Variants in PLCG2 observed in about 807,000 individuals in gnomAD.
PLCG2 encodes the protein 1-phosphatidylinositol 4,5-bisphosphate phosphodiesterase gamma-2.
Under a neutral mutation model 175.6 loss-of-function variants are expected in PLCG2, and 69 were observed. The observed-to-expected ratio is 0.39, with a 90% CI of 0.32 to 0.48. The LOEUF (loss-of-function observed/expected upper bound fraction) is 0.48. Ranked by LOEUF, PLCG2 falls within the 20% of genes least tolerant of loss-of-function variation. The pLI, the probability that PLCG2 is intolerant of heterozygous loss-of-function variation, is 0.91. For synonymous variants in PLCG2, 827 were observed against 624.0 expected (o/e 1.33, Z -4.85); for missense variants, 1,798 against 1,650.9 (o/e 1.09, Z -1.54).
At chr16:81,850,742 G>C (rs971909256) in intron 2 of PLCG2, among the ~76,000 whole-genome samples, 2 of 152,200 alleles carry the variant, frequency 1.3e-5, no homozygotes, top group African/African-American at 4.8e-5. Context: ...TAACAGCATA[G>C]AGAGCTTCTT....
intron 19 of PLCG2, among the ~76,000 whole-genome samples, chr16:81,918,216 A>G (rs966340558): frequency 6.6e-6 from 1 of 152,174 alleles, no homozygotes; most frequent in African/African-American, 2.4e-5. Flanking sequence ...AATCCCATTT[A>G]TCCACTTTCA....
intron 31 of PLCG2, among the ~76,000 whole-genome samples, chr16:81,954,835 A>G (rs145469669): frequency 1.1e-3 from 175 of 152,286 alleles, no homozygotes; most frequent in African/African-American, 4.0e-3. Flanking sequence ...AATGATTTAT[A>G]TTCCTTTGGG....
intron 2 of PLCG2, among the ~76,000 whole-genome samples, chr16:81,807,886 T>A (rs2143280581): frequency 6.6e-6 from 1 of 152,182 alleles, no homozygotes; most frequent in South Asian, 2.1e-4. Flanking sequence ...CAGCCAGATC[T>A]CTCAAGAACT....
chr16:81,906,721 G>A (rs79818114), intron 15 of PLCG2, among the ~76,000 whole-genome samples: 2,894 of 152,290 alleles, frequency 0.019, 87 homozygotes, highest in African/African-American at 0.067. Flanking sequence ...ACTGTACCCA[G>A]CCAAAAATGG....
intron 2 of PLCG2, among the ~76,000 whole-genome samples, chr16:81,795,970 G>A (rs1174399776): frequency 2.0e-5 from 3 of 152,240 alleles, no homozygotes; most frequent in East Asian, 3.8e-4. Flanking sequence ...AAGTTGGGGG[G>A]CATCCTTCCA....
At chr16:81,816,682 A>G (rs1484986653) in intron 2 of PLCG2, among the ~76,000 whole-genome samples, 1 of 14,352 alleles carries the variant, frequency 7.0e-5, no homozygotes, top group African/African-American at 3.1e-4. Flanking sequence ...TTTTTTTTTT[A>G]GTAGAGGTGG....
intron 26 of PLCG2, chr16:81,935,939 A>G (rs1435901664): frequency 4.1e-6 from 4 of 984,996 alleles, no homozygotes; most frequent in African/African-American, 3.5e-5. Context: ...CAGTAATTCT[A>G]GCCTAAAAGG....
chr16:81,851,520 T>G (rs1269033250), intron 2 of PLCG2, among the ~76,000 whole-genome samples: 1 of 152,180 alleles, frequency 6.6e-6, no homozygotes, highest in Non-Finnish European at 1.5e-5. Context: ...GTTGTTGTTG[T>G]TGTTGTTGTT....
At chr16:81,915,809 C>T (rs1214324243) in intron 19 of PLCG2, among the ~76,000 whole-genome samples, 2 of 152,220 alleles carry the variant, frequency 1.3e-5, no homozygotes, top group African/African-American at 4.8e-5. Flanking sequence ...CCCTGAGGAG[C>T]TCTTATAAAA....
At chr16:81,797,562 C>T (rs1000265550) in intron 2 of PLCG2, among the ~76,000 whole-genome samples, 1 of 152,344 alleles carries the variant, frequency 6.6e-6, no homozygotes, top group South Asian at 2.1e-4. Flanking sequence ...GGGGACTTCC[C>T]AGCACCTGGC....
chr16:81,912,103 T>C (rs542815121), intron 18 of PLCG2, among the ~76,000 whole-genome samples: 1 of 150,054 alleles, frequency 6.7e-6, no homozygotes, highest in African/African-American at 2.5e-5. Flanking sequence ...GGCCCAATTT[T>C]TGTATTTTTA....
chr16:81,762,022 G>A (rs1449623292), intron 2 of PLCG2, among the ~76,000 whole-genome samples: 2 of 151,470 alleles, frequency 1.3e-5, no homozygotes, highest in Non-Finnish European at 2.9e-5. Flanking sequence ...TAGTAGAGAT[G>A]GGGTTTCCCT....
intron 12 of PLCG2, chr16:81,895,504 G>A (rs1908840565): frequency 3.5e-6 from 1 of 284,208 alleles, no homozygotes; most frequent in African/African-American, 2.2e-5. Flanking sequence ...AGATTGCAAT[G>A]GGCCGAGATT....
At chr16:81,814,699 G>GA (rs75878012) in intron 2 of PLCG2, among the ~76,000 whole-genome samples, 166 of 147,410 alleles carry the variant, frequency 1.1e-3, no homozygotes, top group Non-Finnish European at 2.0e-3. Flanking sequence ...TGTCTCAAAA[G>GA]AAAAAAAAAA....
intron 5 of PLCG2, among the ~76,000 whole-genome samples, chr16:81,868,513 T>A (rs1312254261): frequency 6.6e-6 from 1 of 152,226 alleles, no homozygotes; most frequent in Admixed American, 6.5e-5. Context: ...TTTTGGTTCC[T>A]CTGGGTGGCA....
chr16:81,930,030 C>T (rs1021675128), intron 24 of PLCG2, among the ~76,000 whole-genome samples: 1 of 152,156 alleles, frequency 6.6e-6, no homozygotes, highest in Non-Finnish European at 1.5e-5. Context: ...TCTTAATGAG[C>T]CTCAGTTTTG....
At chr16:81,934,075 T>G (rs367858701) in intron 25 of PLCG2, among the ~76,000 whole-genome samples, 139 of 152,260 alleles carry the variant, frequency 9.1e-4, no homozygotes, top group African/African-American at 3.2e-3. Flanking sequence ...AACTAGAATT[T>G]GAGACACTCT....
chr16:81,841,310 C>T (rs1328678129), intron 2 of PLCG2, among the ~76,000 whole-genome samples: 1 of 151,938 alleles, frequency 6.6e-6, no homozygotes, highest in Non-Finnish European at 1.5e-5. Flanking sequence ...GATCTTGGCT[C>T]ACTTCAACCT....
At chr16:81,847,247 G>C (rs1179168755) in intron 2 of PLCG2, among the ~76,000 whole-genome samples, 2 of 152,178 alleles carry the variant, frequency 1.3e-5, no homozygotes, top group Admixed American at 6.5e-5. Flanking sequence ...TAGGGCATAG[G>C]GTTCCCATGT....
Sources: allele counts gnomAD v4.1 joint callset (sites outside exome capture counted in the v4.1 genomes callset), GRCh38; gene constraint gnomAD v4.1.1; transcripts MANE v1.5; gene names NCBI Gene and HGNC (gene_info 2026-07-23, HGNC 2026-07-21).